Variants in TSC2 observed in about 807,000 individuals in gnomAD.
The protein encoded by TSC2 is TSC complex subunit 2.
Under a neutral mutation model 202.2 loss-of-function variants are expected in TSC2, and 29 were observed. The ratio of observed to expected loss-of-function variants is 0.14; its 90% CI spans 0.11 to 0.20. The LOEUF is 0.20. Among genes scored for constraint, TSC2 ranks in the 10% least tolerant of loss-of-function variants. The pLI is 1.00. For missense variants in TSC2, 2,429 were observed against 2,420.0 expected, an observed-to-expected ratio of 1.00 and a Z score of -0.08; for synonymous variants, 1,349 against 1,044.0, an observed-to-expected ratio of 1.29 and a Z score of -5.63.
intron 16 of TSC2, chr16:2,068,872 C>CAAAAAAAAA (rs71148120): frequency 1.1e-5 from 1 of 90,256 alleles, no homozygotes; most frequent in Non-Finnish European, 2.1e-5. Flanking sequence ...GACTCCGTCT[C>CAAAAAAAAA]AAAAAAAAAA....
At chr16:2,069,968 A>G (rs964643205) in intron 16 of TSC2, among the ~76,000 whole-genome samples, 1 of 152,148 alleles carries the variant, frequency 6.6e-6, no homozygotes, top group African/African-American at 2.4e-5. Flanking sequence ...TCATTTCTTT[A>G]AAAGAATAAC....
intron 1 of TSC2, 100 bp downstream of exon 1, chr16:2,048,165 C>G (rs2084587149): frequency 2.6e-6 from 4 of 1,537,126 alleles, no homozygotes; most frequent in South Asian, 1.2e-5. Context: ...TCACCCGCGC[C>G]CACTGCAACC....
At chr16:2,059,601 C>T (rs1468301960) in intron 10 of TSC2, among the ~76,000 whole-genome samples, 1 of 149,398 alleles carries the variant, frequency 6.7e-6, no homozygotes, top group Non-Finnish European at 1.5e-5. Context: ...CTCAGCGCAA[C>T]CTCCGCCTCC....
Position 2,079,381 on chromosome 16 carries a change from G to A in TSC2, c.3237G>A (p.Ser1079=), listed in dbSNP as rs572243694. Reference sequence around the variant, plus strand: ...CAAGCGTGGGAACCGGGACCCGGTCGTTACTAGGCCTGGACTCGGGGGAGC... The same window carrying A: ...CAAGCGTGGGAACCGGGACCCGGTCATTACTAGGCCTGGACTCGGGGGAGC... ...VTTSVGTGTR[S]LLGLDSGELQ... is the part of the protein sequence containing the mutation. Residue 1079 remains serine (S), a synonymous_variant, in exon 28 of 42, where the codon TCG becomes TCA. Coordinates refer to ENST00000219476, the MANE Select transcript of TSC2 (RefSeq NM_000548.5). The surrounding 1 kb of genome is among the most constrained non-coding windows in gnomAD (Gnocchi z 4.6). The A allele has an allele frequency of 1.3e-5, 21 of 1,612,906 alleles. No homozygotes were observed. Among genetic ancestry groups the A allele is most frequent in the Admixed American group, 6.7e-5 (4 of 60,038 alleles).
intron 1 of TSC2, 67 bp downstream of exon 1, chr16:2,048,132 C>A: frequency 6.6e-7 from 1 of 1,512,520 alleles, no homozygotes; most frequent in South Asian, 1.3e-5. Context: ...AGGCGGACCC[C>A]GCAGTGTCCG....
chr16:2,050,380 C>A lies in TSC2; in HGVS notation c.139-20C>A. 5.6e-6 allele frequency: 9 copies of A among 1,612,884 alleles called. No individual in the cohort carries two copies. Among genetic ancestry groups the A allele is most frequent in the Non-Finnish European group, 7.6e-6 (9 of 1,179,254 alleles). On this transcript the variant is annotated intron_variant, in intron 2 of 41. Coordinates refer to ENST00000219476, the MANE Select transcript of TSC2 (RefSeq NM_000548.5). ...GTGGCCTGAGCACTGGCCCCTTTTT[C>A]TTCTTTCATCTCTCTCCAGGAACTG...
rs775395648 is a variant in TSC2 at position 2,087,884 on chromosome 16, G to C, written c.5011G>C (p.Val1671Leu). ...GCAGGGCCAGTTCAACTTTGTCCAC[G>C]TGATCGTCACCCCGCTGGACTACGA... is the stretch of plus-strand genomic sequence containing the variant. ...TIKGQFNFVH[V>L]IVTPLDYECN... The change falls in exon 39 of 42, where the codon GTG becomes CTG. Residue 1671 changes from valine to leucine, a missense_variant. By Grantham distance (32) the Val-to-Leu change is conservative (BLOSUM62 1). Transcript: ENST00000219476. 1 of 1,612,560 alleles carries C rather than the reference G, an allele frequency of 6.2e-7. No individual in the cohort carries two copies. Among genetic ancestry groups the C allele is most frequent in the Non-Finnish European group, 8.5e-7 (1 of 1,179,936 alleles).
chr16:2,082,123 A>C (rs2090217387), intron 31 of TSC2: 2 of 588,794 alleles, frequency 3.4e-6, no homozygotes, highest in Non-Finnish European at 6.1e-6. Context: ...CCAGGTTTGG[A>C]CACCTGAGCC....
Position 2,062,595 on chromosome 16 carries a change from C to G in TSC2, c.1356C>G (p.Phe452Leu), listed in dbSNP as rs769147552. ...ACCTGCAGGCGCTGATGGAGAGATT[C>G]TTCAGGTAGGGGGTCCTCTGTAGCC... The part of the protein sequence containing the change: ...IQNLQALMER[F>L]FRSESRGAVR... Residue 452 changes from phenylalanine (F) to leucine (L), a missense_variant, in exon 13 of 42, where the codon TTC becomes TTG. Coordinates refer to ENST00000219476, the MANE Select transcript of TSC2 (RefSeq NM_000548.5). 1.2e-6 allele frequency: 2 copies of G among 1,606,892 alleles called. No individual in the cohort carries two copies. Among genetic ancestry groups the G allele is most frequent in the Non-Finnish European group, 1.7e-6 (2 of 1,176,542 alleles).
At chr16:2,062,313 C>G (rs1043034430) in intron 12 of TSC2, among the ~76,000 whole-genome samples, 184 bp from the exon 13 acceptor site, 1 of 152,232 alleles carries the variant, frequency 6.6e-6, no homozygotes. Context: ...AGGGCCCAGG[C>G]TTTTCCATGG....
intron 6 of TSC2, 30 bp from the exon 7 acceptor site, chr16:2,056,166 T>G (rs1167199357): frequency 5.6e-6 from 9 of 1,613,264 alleles, no homozygotes; most frequent in Non-Finnish European, 7.6e-6. Flanking sequence ...CAGGCAGTGC[T>G]GCCGGGACTG....
intron 1 of TSC2, 39 bp from the exon 2 acceptor site, chr16:2,048,548 T>A (rs776413393): frequency 6.2e-7 from 1 of 1,611,554 alleles, no homozygotes; most frequent in African/African-American, 1.3e-5. Flanking sequence ...TGGGCAGAGG[T>A]GTTGCTCAGA....
intron 25 of TSC2, 113 bp from the exon 26 acceptor site, chr16:2,077,485 C>T: frequency 6.6e-7 from 1 of 1,522,678 alleles, no homozygotes; most frequent in South Asian, 1.1e-5. Context: ...CGGGATCTCT[C>T]CATCCTGACC....
At chr16:2,055,315 T>A in intron 5 of TSC2, 87 bp from the exon 6 acceptor site, 1 of 1,038,450 alleles carries the variant, frequency 9.6e-7, no homozygotes, top group Non-Finnish European at 1.5e-6. Flanking sequence ...GTGACGGGTT[T>A]GGACACACTG....
chr16:2,060,929 A>C, intron 11 of TSC2, 116 bp downstream of exon 11: 1 of 1,330,562 alleles, frequency 7.5e-7, no homozygotes, highest in African/African-American at 1.4e-5. Flanking sequence ...GACTGCCAGA[A>C]CCGTGTTCTC....
chr16:2,078,987 C>A (rs537473729), intron 26 of TSC2, 45 bp from the exon 27 acceptor site: 16 of 1,610,028 alleles, frequency 9.9e-6, no homozygotes, highest in Non-Finnish European at 1.4e-5. Context: ...TGGCTCGGCC[C>A]GCCCTACCTG....
At chr16:2,081,530 TG>T (rs1372031034) in intron 30 of TSC2, 64 bp from the exon 31 acceptor site, 17 of 1,599,490 alleles carry the variant, frequency 1.1e-5, no homozygotes, top group Non-Finnish European at 1.5e-5. Flanking sequence ...AGGAGGCCCC[TG>T]GGGGGCCAGA....
At chr16:2,064,935 G>A (rs1320438101) in intron 15 of TSC2, 3 of 209,960 alleles carry the variant, frequency 1.4e-5, no homozygotes, top group Non-Finnish European at 2.9e-5. Flanking sequence ...CCAACATGGT[G>A]AAATCCTGTC....
chr16:2,059,984 C>T (rs1036539500), intron 10 of TSC2, among the ~76,000 whole-genome samples: 10 of 152,166 alleles, frequency 6.6e-5, no homozygotes, highest in African/African-American at 1.9e-4. Flanking sequence ...CTCAAGCAAA[C>T]CTTACATCTT....
Sources: allele counts gnomAD v4.1 joint callset (sites outside exome capture counted in the v4.1 genomes callset), GRCh38; gene constraint gnomAD v4.1.1; non-coding constraint Gnocchi (gnomAD v3.1); transcripts MANE v1.5; gene names NCBI Gene and HGNC (gene_info 2026-07-23, HGNC 2026-07-21).